The following FAM193A variants were observed in gnomAD, a reference collection of about 807,000 sequenced individuals.
FAM193A encodes the protein protein FAM193A.
In FAM193A, 22 loss-of-function variants were observed where a neutral mutation model predicts 126.5. The observed-to-expected ratio is 0.17, with a 90% CI of 0.12 to 0.25. The LOEUF is 0.25. Ranked by LOEUF, FAM193A falls within the 10% of genes least tolerant of loss-of-function variation. The pLI is 1.00. For missense variants in FAM193A, 1,675 were observed against 1,672.8 expected (o/e 1.00, Z -0.02); for synonymous variants, 761 against 646.8 (o/e 1.18, Z -2.68).
At chr4:2,701,857 A>C (rs965511183) in intron 19 of FAM193A, among the ~76,000 whole-genome samples, 9 of 149,754 alleles carry the variant, frequency 6.0e-5, no homozygotes, top group African/African-American at 2.2e-4. Flanking sequence ...GCTCACCACA[A>C]CCTCCGCTTC....
intron 15 of FAM193A, among the ~76,000 whole-genome samples, chr4:2,693,120 G>T (rs983674847): frequency 6.6e-6 from 1 of 152,034 alleles, no homozygotes; most frequent in Non-Finnish European, 1.5e-5. Context: ...GGTGCGATCT[G>T]TGATCCTCCT....
intron 1 of FAM193A, among the ~76,000 whole-genome samples, chr4:2,558,322 C>A (rs1456099890): frequency 6.6e-6 from 1 of 151,470 alleles, no homozygotes; most frequent in Non-Finnish European, 1.5e-5. Context: ...AATCTAATTA[C>A]TTTTCCTAAA....
intron 1 of FAM193A, among the ~76,000 whole-genome samples, chr4:2,570,824 T>G (rs1739248588): frequency 6.6e-6 from 1 of 152,164 alleles, no homozygotes; most frequent in Non-Finnish European, 1.5e-5. Context: ...GAATGCGTAT[T>G]TACTGCAAGT....
chr4:2,712,433 A>T (rs1719081127), intron 19 of FAM193A, among the ~76,000 whole-genome samples: 1 of 152,064 alleles, frequency 6.6e-6, no homozygotes, highest in South Asian at 2.1e-4. Flanking sequence ...TGTGTTGAGA[A>T]GCGGCCACCT....
intron 1 of FAM193A, among the ~76,000 whole-genome samples, chr4:2,544,456 A>G (rs1560431069): frequency 6.6e-6 from 1 of 152,130 alleles, no homozygotes; most frequent in Non-Finnish European, 1.5e-5. Flanking sequence ...TAATCCCAGC[A>G]CTTTGGGAGG....
intron 1 of FAM193A, 73 bp from the exon 2 acceptor site, chr4:2,596,011 C>G (rs1740838077): frequency 1.6e-6 from 1 of 630,456 alleles, no homozygotes. Context: ...AGTTTTAGAA[C>G]TATACATATA....
intron 1 of FAM193A, among the ~76,000 whole-genome samples, chr4:2,581,229 C>T (rs1426451705): frequency 6.7e-6 from 1 of 149,576 alleles, no homozygotes; most frequent in Admixed American, 6.7e-5. Flanking sequence ...ACCATATTCT[C>T]TCTTCCTGAA....
chr4:2,557,625 A>T (rs967286859), intron 1 of FAM193A, among the ~76,000 whole-genome samples: 1 of 152,170 alleles, frequency 6.6e-6, no homozygotes, highest in Non-Finnish European at 1.5e-5. Context: ...ATAGTATGGT[A>T]GTAATTTCAT....
At chr4:2,540,168 C>G (rs1225398601) in intron 1 of FAM193A, among the ~76,000 whole-genome samples, 1 of 150,862 alleles carries the variant, frequency 6.6e-6, no homozygotes, top group Admixed American at 6.6e-5. Context: ...GACCTCATCT[C>G]TGCTAAAAAT....
chr4:2,650,813 C>T (rs1168216415), intron 7 of FAM193A, among the ~76,000 whole-genome samples: 4 of 152,300 alleles, frequency 2.6e-5, no homozygotes, highest in Non-Finnish European at 4.4e-5. Flanking sequence ...CCCCAAGCAC[C>T]TTCTGGGTAG....
intron 5 of FAM193A, among the ~76,000 whole-genome samples, chr4:2,635,797 C>G (rs1379041731): frequency 2.6e-5 from 4 of 152,152 alleles, no homozygotes; most frequent in African/African-American, 9.7e-5. Flanking sequence ...CTCGGCCTCC[C>G]AAAGTTTTGG....
Position 2,708,898 on chromosome 4 carries a change from C to G in FAM193A, c.4373-7125C>G, listed in dbSNP as rs113653987. On this transcript the variant is annotated intron_variant, in intron 19 of 20. Coordinates refer to ENST00000637812, the MANE Select transcript of FAM193A (RefSeq NM_001366318.2). ...AAGTTTTACTTCTACTTTTTCAATT[C>G]TTACGCCTCTAATTGTTGTCTTTTA... 4.3e-3 allele frequency among the ~76,000 whole-genome samples: 649 copies of G among 152,154 alleles called. 3 individuals carry two copies. Among genetic ancestry groups the G allele is most frequent in the Non-Finnish European group, 7.8e-3 (531 of 67,982 alleles).
At chr4:2,588,258 C>T (rs1740345564) in intron 1 of FAM193A, among the ~76,000 whole-genome samples, 1 of 152,230 alleles carries the variant, frequency 6.6e-6, no homozygotes, top group Non-Finnish European at 1.5e-5. Context: ...GACCTTGGCC[C>T]TTTCCCTGTG....
At chr4:2,672,444 A>G (rs1442637437) in intron 13 of FAM193A, 72 bp downstream of exon 13, 2 of 1,550,028 alleles carry the variant, frequency 1.3e-6, no homozygotes, top group Non-Finnish European at 1.8e-6. Flanking sequence ...AGTCAAACAA[A>G]GAAATCTGTG....
rs775137303 is a variant in FAM193A at position 2,699,642 on chromosome 4, C to A, written c.3508-38C>A. 5 of 1,554,662 alleles carry A rather than the reference C, an allele frequency of 3.2e-6. No homozygotes were observed. The South Asian group carries it at 6.2e-5, about 19-fold the overall frequency. On this transcript the variant is annotated intron_variant, in intron 18 of 20. Coordinates refer to ENST00000637812, the MANE Select transcript of FAM193A (RefSeq NM_001366318.2). ...TCTGTATGACTTAATTTTTAGCACT[C>A]ACTGTAGTCTTAAATTGCCTTCTTT...
intron 13 of FAM193A, among the ~76,000 whole-genome samples, chr4:2,678,988 C>T (rs975458058): frequency 6.6e-6 from 1 of 152,166 alleles, no homozygotes; most frequent in East Asian, 1.9e-4. Flanking sequence ...AGCAGGCATC[C>T]TTGCCTTGTT....
chr4:2,540,188 G>C (rs1332812469), intron 1 of FAM193A, among the ~76,000 whole-genome samples: 2 of 151,818 alleles, frequency 1.3e-5, no homozygotes, highest in African/African-American at 4.8e-5. Flanking sequence ...TACAAAAAAT[G>C]GCCGGGCGCA....
At chr4:2,713,454 A>G (rs955490275) in intron 19 of FAM193A, among the ~76,000 whole-genome samples, 13 of 152,116 alleles carry the variant, frequency 8.5e-5, no homozygotes, top group African/African-American at 3.1e-4. Flanking sequence ...CTTTTTTCCT[A>G]GTGCATTCCT....
chr4:2,706,729 G>A (rs1006135476), intron 19 of FAM193A, among the ~76,000 whole-genome samples: 1 of 150,626 alleles, frequency 6.6e-6, no homozygotes, highest in African/African-American at 2.4e-5. Flanking sequence ...ATATCTCGTA[G>A]GGCTGTTCTC....
Sources: gnomAD v4.1 joint callset for allele counts (sites outside exome capture counted in the v4.1 genomes callset) on GRCh38, gnomAD v4.1.1 for gene constraint, MANE v1.5 for transcripts, NCBI Gene and HGNC (gene_info 2026-07-23, HGNC 2026-07-21) for gene names.